LDLRAD4: variants seen among roughly 807,000 people sequenced by gnomAD.
The protein encoded by LDLRAD4 is low density lipoprotein receptor class A domain containing 4, also known as low-density lipoprotein receptor class A domain-containing protein 4.
Under a neutral mutation model 17.0 loss-of-function variants are expected in LDLRAD4, and 5 were observed. That is an observed-to-expected ratio of 0.29 (90% CI 0.15 to 0.62). The LOEUF (loss-of-function observed/expected upper bound fraction) is 0.62. Among genes scored for constraint, LDLRAD4 ranks in the 20% least tolerant of loss-of-function variants. The probability of loss-of-function intolerance (pLI) is 0.84; values close to 1 mark genes in which losing one functional copy is unlikely to be tolerated. For missense variants in LDLRAD4, 340 were observed against 424.7 expected (o/e 0.80, Z 1.75); for synonymous variants, 168 against 171.8 (o/e 0.98, Z 0.17).
At chr18:13,385,256 A>G (rs1378350461) in intron 1 of LDLRAD4, among the ~76,000 whole-genome samples, 3 of 152,204 alleles carry the variant, frequency 2.0e-5, no homozygotes, top group Non-Finnish European at 2.9e-5. Flanking sequence ...ATTTTTTAAT[A>G]TATCTGTCAG....
At chr18:13,304,780 A>T (rs977080184) in intron 1 of LDLRAD4, among the ~76,000 whole-genome samples, 1 of 152,190 alleles carries the variant, frequency 6.6e-6, no homozygotes, top group Admixed American at 6.5e-5. Flanking sequence ...AGACCTGAAG[A>T]TGGGAGACTG....
At chr18:13,343,978 A>G (rs2082530907) in intron 1 of LDLRAD4, among the ~76,000 whole-genome samples, 1 of 152,198 alleles carries the variant, frequency 6.6e-6, no homozygotes, top group Admixed American at 6.5e-5. Context: ...GATTCTGGAT[A>G]TTAGACCTTT....
At chr18:13,568,583 T>G (rs2094639278) in intron 3 of LDLRAD4, among the ~76,000 whole-genome samples, 1 of 152,230 alleles carries the variant, frequency 6.6e-6, no homozygotes, top group South Asian at 2.1e-4. Context: ...TGCCACTGTC[T>G]CCTGGCCAGA....
intron 1 of LDLRAD4, among the ~76,000 whole-genome samples, chr18:13,326,773 C>CT (rs112335716): frequency 0.017 from 2,436 of 145,236 alleles, 66 homozygotes; most frequent in African/African-American, 0.058. Flanking sequence ...GGGTCCCGAG[C>CT]TTTTTTTTTT....
intron 1 of LDLRAD4, among the ~76,000 whole-genome samples, chr18:13,361,995 A>G (rs1375438816): frequency 4.0e-5 from 6 of 151,814 alleles, no homozygotes; most frequent in Admixed American, 2.6e-4. Context: ...CGTACTTGAC[A>G]TAGGAGGCGA....
intron 4 of LDLRAD4, among the ~76,000 whole-genome samples, chr18:13,638,782 T>C (rs543497826): frequency 6.6e-6 from 1 of 152,326 alleles, no homozygotes; most frequent in South Asian, 2.1e-4. Context: ...CTTGAGTTTC[T>C]TGGGTTTAGA....
chr18:13,287,749 C>A (rs1342496581), intron 1 of LDLRAD4, among the ~76,000 whole-genome samples: 2 of 152,098 alleles, frequency 1.3e-5, no homozygotes, highest in Non-Finnish European at 2.9e-5. Context: ...CCAATTGAAA[C>A]CTGGTAATCA....
At chr18:13,604,190 C>G (rs1416283668) in intron 3 of LDLRAD4, among the ~76,000 whole-genome samples, 2 of 152,194 alleles carry the variant, frequency 1.3e-5, no homozygotes, top group African/African-American at 4.8e-5. Context: ...TGTGCCTTGA[C>G]TTTATCACAA....
At chr18:13,433,593 G>A (rs551795558) in intron 2 of LDLRAD4, among the ~76,000 whole-genome samples, 14 of 152,318 alleles carry the variant, frequency 9.2e-5, no homozygotes, top group Non-Finnish European at 1.9e-4. Context: ...TGTGAGGCTT[G>A]ATTTGTCCTG....
chr18:13,218,066 C>T (rs1409797522), upstream of LDLRAD4: 2 of 151,826 alleles, frequency 1.3e-5, no homozygotes, highest in African/African-American at 4.8e-5. Context: ...GCGGGCAGTC[C>T]CCGCCTCCGC....
chr18:13,581,398 G>A (rs1285128675), intron 3 of LDLRAD4, among the ~76,000 whole-genome samples: 1 of 152,076 alleles, frequency 6.6e-6, no homozygotes, highest in African/African-American at 2.4e-5. Flanking sequence ...TGTCTCTACT[G>A]AACTGTCTGG....
At chr18:13,532,122 G>A (rs920642958) in intron 3 of LDLRAD4, among the ~76,000 whole-genome samples, 2 of 152,184 alleles carry the variant, frequency 1.3e-5, no homozygotes, top group Non-Finnish European at 2.9e-5. Context: ...GGGGACAGCC[G>A]ATGCAGCCTC....
intron 3 of LDLRAD4, among the ~76,000 whole-genome samples, chr18:13,485,525 C>T (rs1224689065): frequency 6.6e-6 from 1 of 152,232 alleles, no homozygotes; most frequent in Non-Finnish European, 1.5e-5. Context: ...TGACCATCCT[C>T]ATGCTGCTTG....
intron 1 of LDLRAD4, among the ~76,000 whole-genome samples, chr18:13,381,025 T>A (rs1213109935): frequency 6.6e-6 from 1 of 152,182 alleles, no homozygotes; most frequent in African/African-American, 2.4e-5. Flanking sequence ...TGCATTTCCA[T>A]GTGGATTTTC....
intron 1 of LDLRAD4, among the ~76,000 whole-genome samples, chr18:13,253,128 T>C (rs182666262): frequency 5.9e-5 from 9 of 152,226 alleles, no homozygotes; most frequent in Non-Finnish European, 8.8e-5. Flanking sequence ...GGCCCCAGTC[T>C]CCGAGGAGCC....
chr18:13,570,382 G>A (rs77344489), intron 3 of LDLRAD4, among the ~76,000 whole-genome samples: 21,702 of 152,180 alleles, frequency 0.14, 2,083 homozygotes, highest in Non-Finnish European at 0.21. Flanking sequence ...CCCAGACGCC[G>A]GTCCACACAG....
At chr18:13,632,356 T>A (rs2041740084) in intron 4 of LDLRAD4, among the ~76,000 whole-genome samples, 1 of 152,222 alleles carries the variant, frequency 6.6e-6, no homozygotes, top group Non-Finnish European at 1.5e-5. Flanking sequence ...TGTGAGCAAG[T>A]GAGTGCAAGG....
At chr18:13,565,421 C>T (rs545345166) in intron 3 of LDLRAD4, among the ~76,000 whole-genome samples, 3 of 152,212 alleles carry the variant, frequency 2.0e-5, no homozygotes, top group East Asian at 1.9e-4. Context: ...GCGAGCAGCC[C>T]GGGCAGACCT....
chr18:13,274,594 T>G (rs1046848525), upstream of LDLRAD4, among the ~76,000 whole-genome samples: 1 of 152,194 alleles, frequency 6.6e-6, no homozygotes, highest in Admixed American at 6.5e-5. Context: ...GCTGAGTGAT[T>G]GATGAAGAAG....
Sources: gnomAD v4.1 joint callset for allele counts (sites outside exome capture counted in the v4.1 genomes callset) on GRCh38, gnomAD v4.1.1 for gene constraint, MANE v1.5 for transcripts, NCBI Gene and HGNC (gene_info 2026-07-23, HGNC 2026-07-21) for gene names.